SLC12A3: variants seen among roughly 807,000 people sequenced by gnomAD.
SLC12A3 encodes the protein Na-Cl cotransporter.
A neutral mutation model predicts 121.0 loss-of-function variants in SLC12A3; 104 were observed. The ratio of observed to expected loss-of-function variants is 0.86; its 90% confidence interval spans 0.73 to 1.01. SLC12A3 has a LOEUF of 1.01. SLC12A3 is among the 50% of genes least tolerant of loss of function. The probability of loss-of-function intolerance (pLI) is 0.00; values close to 1 mark genes in which losing one functional copy is unlikely to be tolerated. For missense variants in SLC12A3, 1,328 were observed against 1,356.3 expected (o/e 0.98, Z 0.33); for synonymous variants, 536 against 533.4 (o/e 1.00, Z -0.07).
chr16:56,908,963 G>C (rs1231982750), intron 25 of SLC12A3, among the ~76,000 whole-genome samples: 1 of 152,222 alleles, frequency 6.6e-6, no homozygotes, highest in Non-Finnish European at 1.5e-5. Flanking sequence ...AGAGGCATGT[G>C]TGCATTTTGT....
At position 56,884,134 on chromosome 16, in the gene SLC12A3, C is replaced by T. The variant is rs1301408276; in HGVS notation, c.1755C>T (p.Thr585=). 6.2e-7 allele frequency: 1 copy of T among 1,614,224 alleles called. No individual in the cohort carries two copies. Among genetic ancestry groups the T allele is most frequent in the South Asian group, 1.1e-5 (1 of 91,090 alleles). Reference sequence around the variant, plus strand: ...CCGTGGTCATCATGTTCCTCCTCACCTGGTGGGCGGCCCTCATCGCCATTG... The same window carrying T: ...CCGTGGTCATCATGTTCCTCCTCACTTGGTGGGCGGCCCTCATCGCCATTG... ...IISVVIMFLL[T]WWAALIAIGV... is the part of the protein sequence containing the mutation. The change falls in exon 14 of 26, where the codon ACC becomes ACT. Residue 585 remains threonine, a synonymous_variant. Coordinates refer to ENST00000563236, the MANE Select transcript of SLC12A3 (RefSeq NM_001126108.2).
rs886039754 is a variant in SLC12A3 at position 56,885,358 on chromosome 16, A to G, written c.1919A>G (p.Asn640Ser). ...GLNEVEDHIK[N>S]YRPQCLVLTG... is the part of the protein sequence containing the mutation. ...AATGAGGTGGAAGACCACATCAAGA[A>G]CTACCGGTGAGCAGAGCTGCTGGGA... The change falls in exon 15 of 26, where the codon AAC (asparagine) becomes AGC (serine). Residue 640 changes from asparagine (N) to serine (S), a missense_variant. Asn to Ser is a conservative substitution (Grantham distance 46). Transcript: ENST00000563236. 3.2e-6 allele frequency: 5 copies of G among 1,549,314 alleles called. No homozygotes were observed. Among genetic ancestry groups the G allele is most frequent in the East Asian group, 2.4e-5 (1 of 41,158 alleles).
intron 8 of SLC12A3, among the ~76,000 whole-genome samples, chr16:56,876,061 C>T (rs1175414873): frequency 1.3e-5 from 2 of 152,000 alleles, no homozygotes; most frequent in Admixed American, 1.3e-4. Flanking sequence ...CCAAGCTCCC[C>T]CTGAAAACCC....
intron 13 of SLC12A3, among the ~76,000 whole-genome samples, chr16:56,883,426 G>A (rs886147898): frequency 7.3e-5 from 11 of 151,612 alleles, no homozygotes; most frequent in Non-Finnish European, 1.3e-4. Context: ...GATTACAGGC[G>A]CCCACCACCA....
At chr16:56,870,357 C>A in intron 5 of SLC12A3, 122 bp downstream of exon 5, 2 of 1,086,714 alleles carry the variant, frequency 1.8e-6, no homozygotes, top group Non-Finnish European at 2.6e-6. Context: ...GGAACCACAG[C>A]CTGATCACTG....
chr16:56,902,012 C>A (rs1338842919), intron 23 of SLC12A3, among the ~76,000 whole-genome samples: 1 of 152,234 alleles, frequency 6.6e-6, no homozygotes, highest in African/African-American at 2.4e-5. Context: ...GCTTCCACTT[C>A]ATATTTATTT....
chr16:56,902,521 G>T lies in SLC12A3; in HGVS notation c.2856+13G>T. The T allele has an allele frequency of 1.3e-6, 2 of 1,599,852 alleles. No individual in the cohort carries two copies. Among genetic ancestry groups the T allele is most frequent in the Non-Finnish European group, 1.7e-6 (2 of 1,169,624 alleles). ...GAACAGAGTCAAGGTGCAGAGAGGG[G>T]TGGGGGTGGGAAACGCGACACATCA... On this transcript the variant is annotated intron_variant, in intron 24 of 25. Coordinates refer to ENST00000563236, the MANE Select transcript of SLC12A3 (RefSeq NM_001126108.2).
chr16:56,879,708 A>G lies in SLC12A3; in HGVS notation c.1443+59A>G, dbSNP rs35504762. On this transcript the variant is annotated intron_variant, in intron 11 of 25. Coordinates refer to ENST00000563236, the MANE Select transcript of SLC12A3 (RefSeq NM_001126108.2). ...GGTGGGGAGCCTGGGCTAGAGGCACAATAGGGCGGGTCCCTGGGTGACTGC... is the reference window on the plus strand; with the variant it reads ...GGTGGGGAGCCTGGGCTAGAGGCACGATAGGGCGGGTCCCTGGGTGACTGC... The G allele has an allele frequency of 1.7e-4, 214 of 1,275,956 alleles. No homozygotes were observed. In the African/African-American group the frequency reaches 2.8e-3, roughly 17 times the overall value. The allele number at this position is 1,275,956 out of a possible 1,614,324, so 79.0% of individuals were successfully genotyped here.
chr16:56,886,493 G>T lies in SLC12A3; in HGVS notation c.2037+18G>T. On this transcript the variant is annotated intron_variant, in intron 16 of 25. Coordinates refer to ENST00000563236, the MANE Select transcript of SLC12A3 (RefSeq NM_001126108.2). The stretch of plus-strand genomic sequence containing the variant: ...TGCTCATCGTGAGTGGCCCCTGGAG[G>T]GGCACAGGGGACCAGGCATGGTGGC... 6.3e-7 allele frequency: 1 copy of T among 1,596,286 alleles called. No individual in the cohort carries two copies. The highest frequency in any genetic ancestry group is 8.6e-7 in the Non-Finnish European group (1 of 1,164,248).
chr16:56,904,273 G>T (rs34018054), intron 24 of SLC12A3, 122 bp from the exon 25 acceptor site: 3 of 936,300 alleles, frequency 3.2e-6, no homozygotes, highest in African/African-American at 1.6e-5. Flanking sequence ...AATTTATGAG[G>T]CAGCAGAGTC....
chr16:56,905,381 C>T (rs1596954423), intron 25 of SLC12A3, among the ~76,000 whole-genome samples: 1 of 141,020 alleles, frequency 7.1e-6, no homozygotes, highest in Non-Finnish European at 1.5e-5. Context: ...AGAGGAAGAA[C>T]ATGATCAGCC....
intron 22 of SLC12A3, 126 bp from the exon 23 acceptor site, chr16:56,899,404 G>C: frequency 1.3e-6 from 1 of 753,508 alleles, no homozygotes; most frequent in African/African-American, 1.7e-5. Flanking sequence ...CATGAGAATT[G>C]CTTGAACCTG....
chr16:56,902,766 GTCCTCCTCCTCC>G (rs113468906), intron 24 of SLC12A3, among the ~76,000 whole-genome samples: 1 of 143,352 alleles, frequency 7.0e-6, no homozygotes, highest in African/African-American at 2.7e-5. Flanking sequence ...ACTGCCCGGA[GTCCTCCTCCTCC>G]TCCTCCTCCT....
At chr16:56,886,296 G>A (rs2055309198) in intron 15 of SLC12A3, 68 bp from the exon 16 acceptor site, 3 of 1,176,738 alleles carry the variant, frequency 2.5e-6, no homozygotes, top group Admixed American at 1.7e-5. Flanking sequence ...CCTGGGAGGT[G>A]CCTTTCGCAC....
At chr16:56,882,693 G>A (rs1354252501) in intron 13 of SLC12A3, among the ~76,000 whole-genome samples, 196 bp downstream of exon 13, 1 of 152,026 alleles carries the variant, frequency 6.6e-6, no homozygotes. Context: ...TGTAATCCTA[G>A]CATTTTTGGG....
At chr16:56,890,378 T>A in intron 19 of SLC12A3, 22 bp downstream of exon 19, 1 of 1,604,310 alleles carries the variant, frequency 6.2e-7, no homozygotes, top group Non-Finnish European at 8.5e-7. Context: ...CCCCACCCAC[T>A]CCCAGAAAGT....
At chr16:56,900,342 G>C (rs1374456431) in intron 23 of SLC12A3, among the ~76,000 whole-genome samples, 4 of 152,104 alleles carry the variant, frequency 2.6e-5, no homozygotes, top group Non-Finnish European at 5.9e-5. Context: ...TGAAAGCCAA[G>C]GGCAGTTGCA....
At chr16:56,895,485 C>T (rs1471806953) in intron 22 of SLC12A3, among the ~76,000 whole-genome samples, 1 of 149,806 alleles carries the variant, frequency 6.7e-6, no homozygotes, top group Non-Finnish European at 1.5e-5. Context: ...TGAGCCACTG[C>T]CCCCAGCCAA....
intron 12 of SLC12A3, among the ~76,000 whole-genome samples, chr16:56,880,811 T>C (rs1478516344): frequency 1.3e-5 from 2 of 152,236 alleles, no homozygotes; most frequent in African/African-American, 4.8e-5. Flanking sequence ...GGCTTTGCCA[T>C]GTGCCAGCTG....
Sources: gnomAD v4.1 joint callset for allele counts (sites outside exome capture counted in the v4.1 genomes callset) on GRCh38, gnomAD v4.1.1 for gene constraint, MANE v1.5 for transcripts, NCBI Gene and HGNC (gene_info 2026-07-23, HGNC 2026-07-21) for gene names.